Variants in PGP observed in about 807,000 individuals in gnomAD.
PGP encodes the protein phosphoglycolate phosphatase, also known as aspartate-based ubiquitous Mg(2+)-dependent phosphatase.
In PGP, 9 loss-of-function variants were observed where a neutral mutation model predicts 19.3. The ratio of observed to expected loss-of-function variants is 0.47; its 90% confidence interval spans 0.28 to 0.81. The LOEUF (loss-of-function observed/expected upper bound fraction) is 0.81, where lower values mean the gene tolerates loss of function less well. PGP is among the 40% of genes least tolerant of loss of function. The pLI is 0.11. For synonymous variants in PGP, 308 were observed against 226.8 expected, an observed-to-expected ratio of 1.36 and a Z score of -3.22; for missense variants, 403 against 479.9, an observed-to-expected ratio of 0.84 and a Z score of 1.50.
In PGP at chr16:2,213,571, G is replaced by A. The variant is rs1291844529; in HGVS notation, c.*157C>T. Reference sequence around the variant, plus strand: ...CTGTAAACAAAATCGTCCCCCAAACGTGTACTTACAAGGTTAACAATGAAT... The same window carrying A: ...CTGTAAACAAAATCGTCCCCCAAACATGTACTTACAAGGTTAACAATGAAT... On this transcript the variant is annotated 3_prime_UTR_variant, in exon 2 of 2. Coordinates refer to ENST00000333503, the MANE Select transcript of PGP (RefSeq NM_001042371.3). 1.4e-5 allele frequency: 10 copies of A among 730,308 alleles called. No homozygotes were observed. The highest frequency in any genetic ancestry group is 1.6e-5 in the Non-Finnish European group (8 of 497,472). 45.2% of individuals were successfully genotyped at this position (730,308 alleles called of 1,614,324 possible).
rs1480445171 is a variant in PGP, at chr16:2,214,724, G to A, written c.54C>T (p.Ala18=). The A allele has an allele frequency of 4.6e-6, 6 of 1,304,196 alleles. No homozygotes were observed. Among genetic ancestry groups the A allele is most frequent in the African/African-American group, 1.6e-5 (1 of 64,046 alleles). The allele number at this position is 1,304,196 out of a possible 1,614,324, so 80.8% of individuals were successfully genotyped here. The change falls in exon 1 of 2, where the codon GCC becomes GCT. Residue 18 remains alanine (A), a synonymous_variant. Transcript: ENST00000333503. This position sits in a 1 kb window ranked among gnomAD's most constrained non-coding sequence, Gnocchi z 7.1. ...GDDARCVRLS[A]ERAQALLADV... ...CGGCCAGCAGCGCCTGTGCCCGCTC[G>A]GCGCTCAGCCGCACGCAGCGGGCGT...
chr16:2,211,710 G>T lies in PGP; in HGVS notation c.*2018C>A. ...TGGGATTACGGGTGTGAGCCACTGC[G>T]CCCGGGCCAGCATTACTTCTGAGCT... On this transcript the variant is annotated 3_prime_UTR_variant, in exon 2 of 2. Transcript: ENST00000333503. 1 of 985,430 alleles carries T rather than the reference G, an allele frequency of 1.0e-6. No individual in the cohort carries two copies. Among genetic ancestry groups the T allele is most frequent in the Non-Finnish European group, 1.2e-6 (1 of 829,948 alleles). The allele number at this position is 985,430 out of a possible 1,614,324, so 61.0% of individuals were successfully genotyped here. A position where few individuals can be genotyped will look rare whatever the true frequency, so the allele number is the denominator to read the frequency against.
Position 2,214,229 on chromosome 16 carries a change from C to G in PGP, c.549G>C (p.Lys183Asn). 2 of 1,594,244 alleles carry G rather than the reference C, an allele frequency of 1.3e-6. No homozygotes were observed. Among genetic ancestry groups the G allele is most frequent in the Non-Finnish European group, 1.7e-6 (2 of 1,178,410 alleles). Reference sequence around the variant, plus strand: ...CGGGCTGCTGCAGGTAGCGCAGGGCCTTGGTGAGCTTCATGTAGCTGAAGT... The same window carrying G: ...CGGGCTGCTGCAGGTAGCGCAGGGCGTTGGTGAGCTTCATGTAGCTGAAGT... ...DPHFSYMKLT[K>N]ALRYLQQPGC... Residue 183 changes from lysine to asparagine, a missense_variant, in exon 1 of 2, where the codon AAG becomes AAC. By Grantham distance (94) the Lys-to-Asn change is moderately conservative. Coordinates refer to ENST00000333503, the MANE Select transcript of PGP (RefSeq NM_001042371.3). The surrounding 1 kb of genome is among the most constrained non-coding windows in gnomAD (Gnocchi z 7.1).
At position 2,213,473 on chromosome 16, in the gene PGP, A is replaced by C. The variant is rs936456076; in HGVS notation, c.*255T>G. On this transcript the variant is annotated 3_prime_UTR_variant, in exon 2 of 2. Coordinates refer to ENST00000333503, the MANE Select transcript of PGP (RefSeq NM_001042371.3). ...GACAGGTGCAGAGCCTGCCCCTGCC[A>C]ACCCCACCCAAGGCCCAGAACCCAG... is the stretch of plus-strand genomic sequence containing the variant. 5.7e-6 allele frequency: 4 copies of C among 700,604 alleles called. No homozygotes were observed. Among genetic ancestry groups the C allele is most frequent in the African/African-American group, 5.7e-5 (3 of 53,004 alleles). 43.4% of individuals were successfully genotyped at this position (700,604 alleles called of 1,614,324 possible).
In PGP at chr16:2,214,820, G is replaced by A; in HGVS notation, c.-43C>T. 1 of 724,678 alleles carries A rather than the reference G, an allele frequency of 1.4e-6. No individual in the cohort carries two copies. Among genetic ancestry groups the A allele is most frequent in the South Asian group, 5.9e-5 (1 of 17,002 alleles). The allele number at this position is 724,678 out of a possible 1,614,324, so 44.9% of individuals were successfully genotyped here. ...CGCCGCCCGCCGGCCGCTCCTCGCA[G>A]CCGCCCGCCGCGGCGCCCTCCCCGC... On this transcript the variant is annotated 5_prime_UTR_variant, in exon 1 of 2. Transcript: ENST00000333503. The surrounding 1 kb of genome is among the most constrained non-coding windows in gnomAD (Gnocchi z 7.1).
At position 2,213,357 on chromosome 16, in the gene PGP, G is replaced by C; in HGVS notation, c.*371C>G. On this transcript the variant is annotated 3_prime_UTR_variant, in exon 2 of 2. Coordinates refer to ENST00000333503, the MANE Select transcript of PGP (RefSeq NM_001042371.3). ...AGTCCCTCTGCCCCCTGAGGGGCTG[G>C]ATCCCTGAATGAGTTTTTCAATAAA... is the stretch of plus-strand genomic sequence containing the variant. The C allele has an allele frequency of 1.0e-6, 1 of 996,426 alleles. No homozygotes were observed. The highest frequency in any genetic ancestry group is 1.2e-6 in the Non-Finnish European group (1 of 836,798). The allele number at this position is 996,426 out of a possible 1,614,324, so 61.7% of individuals were successfully genotyped here. A position where few individuals can be genotyped will look rare whatever the true frequency, so the allele number is the denominator to read the frequency against.
chr16:2,214,065 AG>A lies in PGP; in HGVS notation c.641-13del. The A allele has an allele frequency of 6.3e-7, 1 of 1,598,666 alleles. No homozygotes were observed. On this transcript the variant is annotated splice_polypyrimidine_tract_variant and intron_variant, in intron 1 of 1. Coordinates refer to ENST00000333503, the MANE Select transcript of PGP (RefSeq NM_001042371.3). This position sits in a 1 kb window ranked among gnomAD's most constrained non-coding sequence, Gnocchi z 7.1. ...CAGACACCCGGTACCTGCGGGGCAC[AG>A]GGGACCGGGTCAAAGGGCAGGGAGG...
Position 2,212,285 on chromosome 16 carries a change from C to T in PGP, c.*1443G>A. 18 of 985,966 alleles carry T rather than the reference C, an allele frequency of 1.8e-5. No individual in the cohort carries two copies. Among genetic ancestry groups the T allele is most frequent in the Non-Finnish European group, 2.2e-5 (18 of 830,054 alleles). 61.1% of individuals were successfully genotyped at this position (985,966 alleles called of 1,614,324 possible). A position where few individuals can be genotyped will look rare whatever the true frequency, so the allele number is the denominator to read the frequency against. ...TCCCAGGCCTGGGAGGTGCTGAAGG[C>T]TCAGGACGCCTCTTATTGCTCTGAA... On this transcript the variant is annotated 3_prime_UTR_variant, in exon 2 of 2. Coordinates refer to ENST00000333503, the MANE Select transcript of PGP (RefSeq NM_001042371.3).
chr16:2,212,498 C>G lies in PGP; in HGVS notation c.*1230G>C. On this transcript the variant is annotated 3_prime_UTR_variant, in exon 2 of 2. Transcript: ENST00000333503. ...AGGCAGGAGAGGCTGGAGCCCCGCCCAGAACCTTGGCGAGCTGGTGGCCCT... is the reference window on the plus strand; with the variant it reads ...AGGCAGGAGAGGCTGGAGCCCCGCCGAGAACCTTGGCGAGCTGGTGGCCCT... 5.1e-6 allele frequency: 5 copies of G among 985,602 alleles called. No individual in the cohort carries two copies. The highest frequency in any genetic ancestry group is 6.0e-6 in the Non-Finnish European group (5 of 830,020). The allele number at this position is 985,602 out of a possible 1,614,324, so 61.1% of individuals were successfully genotyped here. A position where few individuals can be genotyped will look rare whatever the true frequency, so the allele number is the denominator to read the frequency against.
chr16:2,214,789 G>GGCC lies in PGP; in HGVS notation c.-15_-13dup, dbSNP rs1383351061. On this transcript the variant is annotated 5_prime_UTR_variant, in exon 1 of 2. Coordinates refer to ENST00000333503, the MANE Select transcript of PGP (RefSeq NM_001042371.3). The surrounding 1 kb of genome is among the most constrained non-coding windows in gnomAD (Gnocchi z 7.1). Reference sequence around the variant, plus strand: ...TCCGCCGCCGCCATCGCCGCCCGCCGGCCGCCGCCGCCCGCCGGCCGCTCC... The same window carrying GGCC: ...TCCGCCGCCGCCATCGCCGCCCGCCGGCCGCCGCCGCCGCCCGCCGGCCGCTCC... 7.5e-6 allele frequency: 7 copies of GGCC among 928,474 alleles called. No homozygotes were observed. Among genetic ancestry groups the GGCC allele is most frequent in the Non-Finnish European group, 9.0e-6 (7 of 777,988 alleles). The allele number at this position is 928,474 out of a possible 1,614,324, so 57.5% of individuals were successfully genotyped here. A position where few individuals can be genotyped will look rare whatever the true frequency, so the allele number is the denominator to read the frequency against.
Position 2,212,699 on chromosome 16 carries a change from G to A in PGP, c.*1029C>T. The A allele has an allele frequency of 2.0e-6, 2 of 985,518 alleles. No homozygotes were observed. The highest frequency in any genetic ancestry group is 2.4e-6 in the Non-Finnish European group (2 of 829,952). 61.0% of individuals were successfully genotyped at this position (985,518 alleles called of 1,614,324 possible). A position where few individuals can be genotyped will look rare whatever the true frequency, so the allele number is the denominator to read the frequency against. On this transcript the variant is annotated 3_prime_UTR_variant, in exon 2 of 2. Coordinates refer to ENST00000333503, the MANE Select transcript of PGP (RefSeq NM_001042371.3). ...AACTCTCGTCCCCTCCCAGAGCCCT[G>A]GATGACTGACAGGCATTCCTTGGCC...
At position 2,214,411 on chromosome 16, in the gene PGP, C is replaced by A. The variant is rs1439229986; in HGVS notation, c.367G>T (p.Val123Leu). The change falls in exon 1 of 2, where the codon GTG (valine) becomes TTG (leucine). Residue 123 changes from valine (V) to leucine (L), a missense_variant. Physicochemically the swap from Val to Leu is conservative, Grantham distance 32. Coordinates refer to ENST00000333503, the MANE Select transcript of PGP (RefSeq NM_001042371.3). The surrounding 1 kb of genome is among the most constrained non-coding windows in gnomAD (Gnocchi z 7.1). ...LAGAPAPKAY[V>L]LGSPALAAEL... ...GCGGCCAGGGCTGGGCTGCCCAGCA[C>A]GTAGGCCTTGGGCGCGGGGGCGCCG... 2 of 1,359,064 alleles carry A rather than the reference C, an allele frequency of 1.5e-6. No homozygotes were observed. The highest frequency in any genetic ancestry group is 3.0e-5 in the East Asian group (1 of 32,832). The allele number at this position is 1,359,064 out of a possible 1,614,324, so 84.2% of individuals were successfully genotyped here.
chr16:2,214,097 C>T lies in PGP; in HGVS notation c.640+41G>A. The T allele has an allele frequency of 2.4e-6, 2 of 849,030 alleles. No homozygotes were observed. The highest frequency in any genetic ancestry group is 1.7e-6 in the Non-Finnish European group (1 of 585,860). 52.6% of individuals were successfully genotyped at this position (849,030 alleles called of 1,614,324 possible). Reference sequence around the variant, plus strand: ...CGGGTCAAAGGGCAGGGAGGGGGCCCGCCGCCCGCCCCCCAGCCTCCCGCC... The same window carrying T: ...CGGGTCAAAGGGCAGGGAGGGGGCCTGCCGCCCGCCCCCCAGCCTCCCGCC... On this transcript the variant is annotated intron_variant, in intron 1 of 1. Transcript: ENST00000333503. The surrounding 1 kb of genome is among the most constrained non-coding windows in gnomAD (Gnocchi z 7.1).
In PGP at chr16:2,212,302, T is replaced by C. The variant is rs1408612904; in HGVS notation, c.*1426A>G. The stretch of plus-strand genomic sequence containing the variant: ...GCTGAAGGCTCAGGACGCCTCTTAT[T>C]GCTCTGAAGTCTTTGTGACCAAGTG... On this transcript the variant is annotated 3_prime_UTR_variant, in exon 2 of 2. Transcript: ENST00000333503. 1.0e-6 allele frequency: 1 copy of C among 985,864 alleles called. No homozygotes were observed. Among genetic ancestry groups the C allele is most frequent in the Non-Finnish European group, 1.2e-6 (1 of 830,090 alleles). 61.1% of individuals were successfully genotyped at this position (985,864 alleles called of 1,614,324 possible).
chr16:2,211,799 TC>T lies in PGP; in HGVS notation c.*1928del, dbSNP rs2093376101. On this transcript the variant is annotated 3_prime_UTR_variant, in exon 2 of 2. Transcript: ENST00000333503. The stretch of plus-strand genomic sequence containing the variant: ...CAGCTTCACTCCAGGGCCCTTTGCT[TC>T]CCTGGCTTCCCTTTGTGCCTGGCTT... 1.0e-6 allele frequency: 1 copy of T among 985,348 alleles called. No homozygotes were observed. Among genetic ancestry groups the T allele is most frequent in the Non-Finnish European group, 1.2e-6 (1 of 829,936 alleles). The allele number at this position is 985,348 out of a possible 1,614,324, so 61.0% of individuals were successfully genotyped here.
chr16:2,214,547 G>C lies in PGP; in HGVS notation c.231C>G (p.Tyr77Ter). ...TNNSSKTRAAYAEKLRRLGFG... is the reference protein window; with the variant it reads ...TNNSSKTRAA Reference sequence around the variant, plus strand: ...AGCCCAGGCGCCGCAGCTTCTCGGCGTAGGCAGCGCGGGTCTTGCTGCTGT... The same window carrying C: ...AGCCCAGGCGCCGCAGCTTCTCGGCCTAGGCAGCGCGGGTCTTGCTGCTGT... Residue 77 changes from tyrosine (Y) to a stop codon, truncating the protein, a stop_gained, in exon 1 of 2, where the codon TAC (tyrosine) becomes TAG (stop). Transcript: ENST00000333503. LOFTEE classifies it high-confidence loss of function. This position sits in a 1 kb window ranked among gnomAD's most constrained non-coding sequence, Gnocchi z 7.1. 6.9e-7 allele frequency: 1 copy of C among 1,458,802 alleles called. No homozygotes were observed. Among genetic ancestry groups the C allele is most frequent in the Non-Finnish European group, 9.0e-7 (1 of 1,108,494 alleles). The allele number at this position is 1,458,802 out of a possible 1,614,324, so 90.4% of individuals were successfully genotyped here.
chr16:2,214,549 A>T lies in PGP; in HGVS notation c.229T>A (p.Tyr77Asn). 6.8e-7 allele frequency: 1 copy of T among 1,460,018 alleles called. No homozygotes were observed. Among genetic ancestry groups the T allele is most frequent in the Middle Eastern group, 2.0e-4 (1 of 4,992 alleles). 90.4% of individuals were successfully genotyped at this position (1,460,018 alleles called of 1,614,324 possible). A position where few individuals can be genotyped will look rare whatever the true frequency, so the allele number is the denominator to read the frequency against. The change falls in exon 1 of 2, where the codon TAC becomes AAC. Residue 77 changes from tyrosine (Y) to asparagine (N), a missense_variant. Tyr to Asn is a moderately radical substitution (Grantham distance 143). Coordinates refer to ENST00000333503, the MANE Select transcript of PGP (RefSeq NM_001042371.3). This position sits in a 1 kb window ranked among gnomAD's most constrained non-coding sequence, Gnocchi z 7.1. ...TNNSSKTRAA[Y>N]AEKLRRLGFG... ...CCCAGGCGCCGCAGCTTCTCGGCGT[A>T]GGCAGCGCGGGTCTTGCTGCTGTTG...
rs763000124 is a variant in PGP at position 2,213,062 on chromosome 16, T to C, written c.*666A>G. On this transcript the variant is annotated 3_prime_UTR_variant, in exon 2 of 2. Coordinates refer to ENST00000333503, the MANE Select transcript of PGP (RefSeq NM_001042371.3). ...ACAGCAGAGCTTTAGCTGGGCTGCG[T>C]TTACAGAACTGGGCAGCAGCCCTGG... The C allele has an allele frequency of 1.0e-6, 1 of 985,474 alleles. No homozygotes were observed. Among genetic ancestry groups the C allele is most frequent in the Non-Finnish European group, 1.2e-6 (1 of 829,932 alleles). The allele number at this position is 985,474 out of a possible 1,614,324, so 61.0% of individuals were successfully genotyped here. A position where few individuals can be genotyped will look rare whatever the true frequency, so the allele number is the denominator to read the frequency against.
At position 2,214,234 on chromosome 16, in the gene PGP, T is replaced by A; in HGVS notation, c.544A>T (p.Thr182Ser). ...TGCTGCAGGTAGCGCAGGGCCTTGG[T>A]GAGCTTCATGTAGCTGAAGTGCGGG... ...FDPHFSYMKL[T>S]KALRYLQQPG... The change falls in exon 1 of 2, where the codon ACC becomes TCC. Residue 182 changes from threonine to serine, a missense_variant. By Grantham distance (58) the Thr-to-Ser change is moderately conservative. Transcript: ENST00000333503. The surrounding 1 kb of genome is among the most constrained non-coding windows in gnomAD (Gnocchi z 7.1). 6.3e-7 allele frequency: 1 copy of A among 1,593,608 alleles called. No homozygotes were observed. Among genetic ancestry groups the A allele is most frequent in the Non-Finnish European group, 8.5e-7 (1 of 1,178,080 alleles).
Sources: gnomAD v4.1 joint callset for allele counts on GRCh38, gnomAD v4.1.1 for gene constraint, Gnocchi (gnomAD v3.1) non-coding constraint, MANE v1.5 for transcripts, NCBI Gene and HGNC (gene_info 2026-07-23, HGNC 2026-07-21) for gene names.